FAM3C: variants seen among roughly 807,000 people sequenced by gnomAD.
The protein encoded by FAM3C is protein FAM3C.
Under a neutral mutation model 32.5 loss-of-function variants are expected in FAM3C, and 15 were observed. The ratio of observed to expected loss-of-function variants is 0.46; its 90% CI spans 0.31 to 0.71. The LOEUF (loss-of-function observed/expected upper bound fraction) is 0.71, where lower values mean the gene tolerates loss of function less well. Ranked by LOEUF, FAM3C falls within the 30% of genes least tolerant of loss-of-function variation. The pLI is 0.05. For synonymous variants in FAM3C, 75 were observed against 86.1 expected (o/e 0.87, Z 0.72); for missense variants, 175 against 274.4 (o/e 0.64, Z 2.56).
intron 1 of FAM3C, among the ~76,000 whole-genome samples, chr7:121,387,585 C>T (rs1330654715): frequency 6.6e-6 from 1 of 152,088 alleles, no homozygotes; most frequent in East Asian, 1.9e-4. Flanking sequence ...AAAGTCCTTC[C>T]CATCCTGTAG....
At chr7:121,388,356 C>T (rs960669549) in intron 1 of FAM3C, among the ~76,000 whole-genome samples, 1 of 151,610 alleles carries the variant, frequency 6.6e-6, no homozygotes, top group South Asian at 2.1e-4. Flanking sequence ...AGAAAAGTAT[C>T]CCAGATTTTT....
chr7:121,393,546 T>G (rs1794621689), intron 1 of FAM3C, among the ~76,000 whole-genome samples: 1 of 151,914 alleles, frequency 6.6e-6, no homozygotes, highest in Admixed American at 6.6e-5. Context: ...GAATAGCGGA[T>G]TTTCAAAATT....
In FAM3C at chr7:121,378,911, A is replaced by G. The variant is rs751362515; in HGVS notation, c.117T>C (p.Phe39=). 17 of 1,456,164 alleles carry G rather than the reference A, an allele frequency of 1.2e-5. No individual in the cohort carries two copies. In the East Asian group the frequency reaches 3.9e-4, roughly 34 times the overall value. The allele number at this position is 1,456,164 out of a possible 1,614,324, so 90.2% of individuals were successfully genotyped here. A position where few individuals can be genotyped will look rare whatever the true frequency, so the allele number is the denominator to read the frequency against. Residue 39 remains phenylalanine (F), a splice_region_variant and synonymous_variant, in exon 3 of 10, where the codon TTT becomes TTC. Coordinates refer to ENST00000359943, the MANE Select transcript of FAM3C (RefSeq NM_014888.3). ...AGAAAGGAAAAAAATAAAACTTACC[A>G]AATAGATTTCCTAAACTTGCATCCA... ...IKMDASLGNL[F]ARSALDTAAR... is the part of the protein sequence containing the mutation.
intron 7 of FAM3C, among the ~76,000 whole-genome samples, chr7:121,361,832 C>T (rs1793931501): frequency 6.6e-6 from 1 of 152,148 alleles, no homozygotes; most frequent in African/African-American, 2.4e-5. Context: ...GTGCATGCCA[C>T]CATGCCCGGC....
intron 8 of FAM3C, among the ~76,000 whole-genome samples, chr7:121,354,739 C>T (rs891417359): frequency 3.3e-5 from 5 of 152,110 alleles, no homozygotes; most frequent in African/African-American, 7.2e-5. Context: ...GCATAAATGA[C>T]GACCCAGCCT....
At chr7:121,383,092 T>C in intron 1 of FAM3C, 82 bp from the exon 2 acceptor site, 1 of 681,294 alleles carries the variant, frequency 1.5e-6, no homozygotes, top group Non-Finnish European at 2.5e-6. Flanking sequence ...ATGGGGCATA[T>C]AAACTAGTAA....
At chr7:121,395,833 A>G (rs769762996) in intron 1 of FAM3C, among the ~76,000 whole-genome samples, 1 of 151,988 alleles carries the variant, frequency 6.6e-6, no homozygotes, top group Non-Finnish European at 1.5e-5. Flanking sequence ...AACCTGGGGA[A>G]GATGCGACCC....
chr7:121,395,531 A>C (rs1794672382), intron 1 of FAM3C, among the ~76,000 whole-genome samples: 1 of 151,816 alleles, frequency 6.6e-6, no homozygotes, highest in Non-Finnish European at 1.5e-5. Context: ...GGAGCTCTCA[A>C]TCTCAAATTG....
chr7:121,387,820 T>C (rs1794493134), intron 1 of FAM3C, among the ~76,000 whole-genome samples: 1 of 152,134 alleles, frequency 6.6e-6, no homozygotes, highest in South Asian at 2.1e-4. Flanking sequence ...AAGAGTGAAG[T>C]AAATGTGCAT....
chr7:121,371,173 C>T (rs927800826), intron 5 of FAM3C, 127 bp downstream of exon 5: 4 of 1,187,252 alleles, frequency 3.4e-6, no homozygotes, highest in African/African-American at 3.1e-5. Flanking sequence ...AACTACATAA[C>T]AAAAATGGAA....
intron 5 of FAM3C, among the ~76,000 whole-genome samples, chr7:121,367,957 C>A (rs1197231861): frequency 6.6e-6 from 1 of 151,590 alleles, no homozygotes; most frequent in Non-Finnish European, 1.5e-5. Flanking sequence ...CAGAATGAGA[C>A]CCTGTCTCTA....
Position 121,355,471 on chromosome 7 carries a change from G to A in FAM3C, c.468-4202C>T, listed in dbSNP as rs149483610. On this transcript the variant is annotated intron_variant, in intron 8 of 9. Coordinates refer to ENST00000359943, the MANE Select transcript of FAM3C (RefSeq NM_014888.3). ...CTTGAAGGGATGACAAGAAGATCCT[G>A]TGAGCATTAAAAAGCAATAAGGAAA... Among the ~76,000 whole-genome samples the A allele has an allele frequency of 1.5e-4, 23 of 152,298 alleles. No individual in the cohort carries two copies. The East Asian group carries it at 4.0e-3, about 27-fold the overall frequency.
At chr7:121,358,718 C>T (rs1215186791) in intron 8 of FAM3C, among the ~76,000 whole-genome samples, 1 of 151,848 alleles carries the variant, frequency 6.6e-6, no homozygotes, top group Non-Finnish European at 1.5e-5. Flanking sequence ...AGAAAATCTA[C>T]TAAATATCTA....
intron 1 of FAM3C, among the ~76,000 whole-genome samples, chr7:121,395,942 C>T (rs902839034): frequency 2.0e-5 from 3 of 151,420 alleles, no homozygotes; most frequent in African/African-American, 7.3e-5. Flanking sequence ...GGGCGGCGGC[C>T]GGGAACCCCG....
chr7:121,393,732 T>C (rs931620808), intron 1 of FAM3C, among the ~76,000 whole-genome samples: 1 of 152,258 alleles, frequency 6.6e-6, no homozygotes, highest in East Asian at 1.9e-4. Flanking sequence ...TAAAAGAAAG[T>C]ACAAAACCTT....
Position 121,371,316 on chromosome 7 carries a change from A to T in FAM3C, c.256T>A (p.Cys86Ser). Residue 86 changes from cysteine to serine, a missense_variant, in exon 5 of 10, where the codon TGC (cysteine) becomes AGC (serine). By Grantham distance (112) the Cys-to-Ser change is moderately radical (BLOSUM62 -1). Coordinates refer to ENST00000359943, the MANE Select transcript of FAM3C (RefSeq NM_014888.3). ...GAANVVGPKICLEDNVLMSGV... is the reference protein window; with the variant it reads ...GAANVVGPKISLEDNVLMSGV... ...AAGACTTACACATTATCTTCCAGGC[A>T]GATTTTGGGTCCCACCACGTTGGCT... 6.2e-7 allele frequency: 1 copy of T among 1,613,286 alleles called. No individual in the cohort carries two copies. Among genetic ancestry groups the T allele is most frequent in the Non-Finnish European group, 8.5e-7 (1 of 1,179,882 alleles).
chr7:121,353,287 A>G (rs1309313478), intron 8 of FAM3C, among the ~76,000 whole-genome samples: 1 of 152,174 alleles, frequency 6.6e-6, no homozygotes, highest in Non-Finnish European at 1.5e-5. Context: ...TTATTTTTGT[A>G]CTCCTGAATT....
At chr7:121,385,278 C>A (rs1399869232) in intron 1 of FAM3C, among the ~76,000 whole-genome samples, 2 of 152,232 alleles carry the variant, frequency 1.3e-5, no homozygotes, top group Middle Eastern at 3.4e-3. Flanking sequence ...CCCCAAAACT[C>A]AACTTAGTAC....
At chr7:121,393,867 C>T (rs1172137977) in intron 1 of FAM3C, among the ~76,000 whole-genome samples, 1 of 152,162 alleles carries the variant, frequency 6.6e-6, no homozygotes, top group East Asian at 1.9e-4. Flanking sequence ...AGAATCAATG[C>T]TTCAAATCCT....
Sources: allele counts gnomAD v4.1 joint callset (sites outside exome capture counted in the v4.1 genomes callset), GRCh38; gene constraint gnomAD v4.1.1; transcripts MANE v1.5; gene names NCBI Gene and HGNC (gene_info 2026-07-23, HGNC 2026-07-21).